The following LFNG variants were observed in gnomAD, a reference collection of about 807,000 sequenced individuals.
The protein encoded by LFNG is LFNG O-fucosylpeptide 3-beta-N-acetylglucosaminyltransferase.
A neutral mutation model predicts 32.7 loss-of-function variants in LFNG; 15 were observed. That is an observed-to-expected ratio of 0.46 (90% CI 0.31 to 0.71). The LOEUF is 0.71. Among genes scored for constraint, LFNG ranks in the 30% least tolerant of loss-of-function variants. The pLI is 0.06. For synonymous variants in LFNG, 274 were observed against 246.8 expected, an observed-to-expected ratio of 1.11 and a Z score of -1.03; for missense variants, 520 against 545.7, an observed-to-expected ratio of 0.95 and a Z score of 0.47.
upstream of LFNG, chr7:2,518,517 A>G (rs769019176): frequency 9.8e-7 from 1 of 1,022,210 alleles, no homozygotes; most frequent in Non-Finnish European, 1.6e-6. Flanking sequence ...ATTTTTTCAG[A>G]GCACCTACTA....
At position 2,527,547 on chromosome 7, in the gene LFNG, C is replaced by T; in HGVS notation, c.*335C>T. 7.9e-7 allele frequency: 1 copy of T among 1,267,250 alleles called. No homozygotes were observed. Among genetic ancestry groups the T allele is most frequent in the South Asian group, 1.6e-5 (1 of 63,872 alleles). 78.5% of individuals were successfully genotyped at this position (1,267,250 alleles called of 1,614,324 possible). A position where few individuals can be genotyped will look rare whatever the true frequency, so the allele number is the denominator to read the frequency against. ...TTTGGATCTTTCTACAGCTACGGGG[C>T]TCCGGGCTACTTTGCAGGGATGCGA... On this transcript the variant is annotated 3_prime_UTR_variant, in exon 8 of 8. Transcript: ENST00000222725. The surrounding 1 kb of genome is among the most constrained non-coding windows in gnomAD (Gnocchi z 4.4).
chr7:2,513,005 T>C (rs1206794778), upstream of LFNG, among the ~76,000 whole-genome samples: 4 of 152,076 alleles, frequency 2.6e-5, no homozygotes, highest in Admixed American at 6.5e-5. Flanking sequence ...CCAGGGCAAA[T>C]GTCACCATCT....
upstream of LFNG, chr7:2,518,426 G>A: frequency 1.4e-6 from 1 of 727,212 alleles, no homozygotes; most frequent in South Asian, 1.5e-5. Flanking sequence ...TGGGGCCCCT[G>A]GGGCCCTAAG....
At chr7:2,513,935 C>CCT (rs1779550162), upstream of LFNG, among the ~76,000 whole-genome samples, 1 of 152,250 alleles carries the variant, frequency 6.6e-6, no homozygotes, top group Admixed American at 6.5e-5. Flanking sequence ...TGTGGACAAG[C>CCT]CCTGGCCTCC....
At position 2,527,195 on chromosome 7, in the gene LFNG, C is replaced by T. The variant is rs746683505; in HGVS notation, c.1123C>T (p.Arg375Cys). 79 of 1,612,798 alleles carry T rather than the reference C, an allele frequency of 4.9e-5. 1 individual carries two copies. Among genetic ancestry groups the T allele is most frequent in the Admixed American group, 2.3e-4 (14 of 59,992 alleles). Residue 375 changes from arginine (R) to cysteine (C), a missense_variant, in exon 8 of 8, where the codon CGC (arginine) becomes TGC (cysteine). Coordinates refer to ENST00000222725, the MANE Select transcript of LFNG (RefSeq NM_001040167.2). The surrounding 1 kb of genome is among the most constrained non-coding windows in gnomAD (Gnocchi z 4.4). ...HLYPDTPWCP[R>C]TAIF ...GTACCCGGACACACCCTGGTGTCCC[C>T]GCACTGCCATCTTCTAGTGGCCATG...
At position 2,526,919 on chromosome 7, in the gene LFNG, C is replaced by T; in HGVS notation, c.1071C>T (p.Ser357=). 3 of 1,600,784 alleles carry T rather than the reference C, an allele frequency of 1.9e-6. No homozygotes were observed. The highest frequency in any genetic ancestry group is 2.6e-6 in the Non-Finnish European group (3 of 1,174,794). ...KGPFSVEADP[S]RFRSIHCHLY... is the part of the protein sequence containing the mutation. Reference sequence around the variant, plus strand: ...CCTTCTCGGTGGAGGCCGACCCATCCAGGTAAGGAAACCCCGGCCCAGATG... The same window carrying T: ...CCTTCTCGGTGGAGGCCGACCCATCTAGGTAAGGAAACCCCGGCCCAGATG... The change falls in exon 7 of 8, where the codon TCC becomes TCT. Residue 357 remains serine (S), a splice_region_variant and synonymous_variant. Coordinates refer to ENST00000222725, the MANE Select transcript of LFNG (RefSeq NM_001040167.2). This position sits in a 1 kb window ranked among gnomAD's most constrained non-coding sequence, Gnocchi z 6.9.
intron 2 of LFNG, 148 bp from the exon 3 acceptor site, chr7:2,525,071 C>CGAGCTAGGG (rs1779916410): frequency 1.3e-6 from 1 of 750,580 alleles, no homozygotes; most frequent in Non-Finnish European, 2.2e-6. Flanking sequence ...GCCCAAGCCC[C>CGAGCTAGGG]GAGCTAGGGT....
chr7:2,513,179 A>G (rs1164314275), upstream of LFNG: 7 of 1,613,706 alleles, frequency 4.3e-6, no homozygotes, highest in African/African-American at 1.3e-5. Flanking sequence ...CTGGGCATGG[A>G]GCAAATGCTC....
At chr7:2,525,899 A>G in intron 5 of LFNG, 129 bp downstream of exon 5, 2 of 831,678 alleles carry the variant, frequency 2.4e-6, no homozygotes, top group Non-Finnish European at 2.0e-6. Context: ...CTTACTTCCT[A>G]TATTCCACTT....
chr7:2,516,517 A>G (rs936447268), upstream of LFNG, among the ~76,000 whole-genome samples: 166 of 152,330 alleles, frequency 1.1e-3, no homozygotes, highest in African/African-American at 3.4e-3. Context: ...TGACTCCAGC[A>G]GGAGAACCCC....
In LFNG at chr7:2,526,812, C is replaced by G. The variant is rs1406838204; in HGVS notation, c.988-24C>G. On this transcript the variant is annotated intron_variant, in intron 6 of 7. Coordinates refer to ENST00000222725, the MANE Select transcript of LFNG (RefSeq NM_001040167.2). The surrounding 1 kb of genome is among the most constrained non-coding windows in gnomAD (Gnocchi z 6.9). ...CCCAGGGATGTCGGGCCCCTCCCGG[C>G]ATCACTCCGCCCGCTCCCCACAGGT... 1 of 1,609,264 alleles carries G rather than the reference C, an allele frequency of 6.2e-7. No individual in the cohort carries two copies. Among genetic ancestry groups the G allele is most frequent in the Non-Finnish European group, 8.5e-7 (1 of 1,177,440 alleles).
chr7:2,517,500 A>G (rs1779656554), upstream of LFNG, among the ~76,000 whole-genome samples: 1 of 152,030 alleles, frequency 6.6e-6, no homozygotes, highest in Non-Finnish European at 1.5e-5. Context: ...TTTCTCTACA[A>G]TGGGCACATT....
exon 1 of LFNG, chr7:2,512,634 A>G (rs764999192): frequency 1.9e-6 from 3 of 1,613,280 alleles, no homozygotes; most frequent in Non-Finnish European, 2.5e-6. Context: ...CCCTGGCCAC[A>G]AGGACCCAAA....
At position 2,527,341 on chromosome 7, in the gene LFNG, T is replaced by C. The variant is rs1583279043; in HGVS notation, c.*129T>C. On this transcript the variant is annotated 3_prime_UTR_variant, in exon 8 of 8. Transcript: ENST00000222725. This position sits in a 1 kb window ranked among gnomAD's most constrained non-coding sequence, Gnocchi z 4.4. ...GTGCCTGTGCGTGTGCGTGTGCGTG[T>C]GTGTGTGTGTGTACTGCATGCCCAC... 35 of 1,456,802 alleles carry C rather than the reference T, an allele frequency of 2.4e-5. No homozygotes were observed. The highest frequency in any genetic ancestry group is 1.3e-4 in the East Asian group (5 of 38,960). 90.2% of individuals were successfully genotyped at this position (1,456,802 alleles called of 1,614,324 possible).
intron 2 of LFNG, among the ~76,000 whole-genome samples, 172 bp from the exon 3 acceptor site, chr7:2,525,047 G>A (rs900841763): frequency 7.9e-5 from 12 of 152,236 alleles, no homozygotes; most frequent in African/African-American, 1.2e-4. Flanking sequence ...GCTGGGCTGC[G>A]GGAGGGTCCA....
rs1371354562 is a variant in LFNG at position 2,527,187 on chromosome 7, G to C, written c.1115G>C (p.Trp372Ser). 2.1e-5 allele frequency: 34 copies of C among 1,612,818 alleles called. No homozygotes were observed. The highest frequency in any genetic ancestry group is 2.9e-5 in the Non-Finnish European group (34 of 1,179,942). ...IHCHLYPDTP[W>S]CPRTAIF The stretch of plus-strand genomic sequence containing the variant: ...TGCCACCTGTACCCGGACACACCCT[G>C]GTGTCCCCGCACTGCCATCTTCTAG... The change falls in exon 8 of 8, where the codon TGG becomes TCG. Residue 372 changes from tryptophan to serine, a missense_variant. This residue lies in a region of LFNG where 150 missense variants were observed against 159.9 expected (regional missense o/e 0.94). Transcript: ENST00000222725. This position sits in a 1 kb window ranked among gnomAD's most constrained non-coding sequence, Gnocchi z 4.4.
At chr7:2,515,530 A>G (rs887422301), upstream of LFNG, among the ~76,000 whole-genome samples, 2 of 152,218 alleles carry the variant, frequency 1.3e-5, no homozygotes, top group African/African-American at 4.8e-5. Context: ...AGCCTTGCTC[A>G]GCCACTGAGG....
chr7:2,526,938 C>G lies in LFNG; in HGVS notation c.1073+17C>G. 1 of 1,610,682 alleles carries G rather than the reference C, an allele frequency of 6.2e-7. No homozygotes were observed. Among genetic ancestry groups the G allele is most frequent in the Non-Finnish European group, 8.5e-7 (1 of 1,178,534 alleles). Reference sequence around the variant, plus strand: ...CCCATCCAGGTAAGGAAACCCCGGCCCAGATGGGCTTGCGTAGGGTGGCCT... The same window carrying G: ...CCCATCCAGGTAAGGAAACCCCGGCGCAGATGGGCTTGCGTAGGGTGGCCT... On this transcript the variant is annotated intron_variant, in intron 7 of 7. Coordinates refer to ENST00000222725, the MANE Select transcript of LFNG (RefSeq NM_001040167.2). This position sits in a 1 kb window ranked among gnomAD's most constrained non-coding sequence, Gnocchi z 6.9.
intron 1 of LFNG, among the ~76,000 whole-genome samples, chr7:2,521,929 G>A (rs1779803878): frequency 6.6e-6 from 1 of 152,212 alleles, no homozygotes; most frequent in African/African-American, 2.4e-5. Flanking sequence ...GAGCCCTGAG[G>A]TCCCTACTGG....
Sources: allele counts gnomAD v4.1 joint callset (sites outside exome capture counted in the v4.1 genomes callset), GRCh38; gene constraint gnomAD v4.1.1; regional missense constraint gnomAD v4.1.1; non-coding constraint Gnocchi (gnomAD v3.1); transcripts MANE v1.5; gene names NCBI Gene and HGNC (gene_info 2026-07-23, HGNC 2026-07-21).